AGO2: variants seen among roughly 807,000 people sequenced by gnomAD.
AGO2 encodes argonaute RISC catalytic component 2.
A neutral mutation model predicts 102.3 loss-of-function variants in AGO2; 5 were observed. That is an observed-to-expected ratio of 0.05 (90% confidence interval 0.03 to 0.10). AGO2 has a LOEUF of 0.10. Ranked by LOEUF, AGO2 falls within the 10% of genes least tolerant of loss-of-function variation. The probability of loss-of-function intolerance (pLI) is 1.00; values close to 1 mark genes in which losing one functional copy is unlikely to be tolerated. For synonymous variants in AGO2, 449 were observed against 473.1 expected (o/e 0.95, Z 0.66); for missense variants, 541 against 1,183.7 (o/e 0.46, Z 7.97).
At chr8:140,619,917 T>G (rs1034765255) in intron 1 of AGO2, among the ~76,000 whole-genome samples, 1 of 152,206 alleles carries the variant, frequency 6.6e-6, no homozygotes, top group Admixed American at 6.5e-5. Flanking sequence ...TGTAGATGTG[T>G]GTACACACGC....
chr8:140,570,554 G>A (rs1052487070), intron 3 of AGO2, among the ~76,000 whole-genome samples: 1 of 152,210 alleles, frequency 6.6e-6, no homozygotes, highest in Admixed American at 6.5e-5. Flanking sequence ...TTAAACTCTC[G>A]CTACTCAACA....
chr8:140,633,710 G>A (rs767143721), intron 1 of AGO2, among the ~76,000 whole-genome samples: 1 of 152,184 alleles, frequency 6.6e-6, no homozygotes, highest in Non-Finnish European at 1.5e-5. Context: ...GCTTGAAAGG[G>A]ACTGCCCTGA....
rs1465650671 is a variant in AGO2, at chr8:140,528,874, G to A, written c.*3170C>T. 3.9e-5 allele frequency: 6 copies of A among 152,320 alleles called. No individual in the cohort carries two copies. Among genetic ancestry groups the A allele is most frequent in the African/African-American group, 1.2e-4 (5 of 41,566 alleles). The allele number at this position is 152,320 out of a possible 1,614,324, so 9.4% of individuals were successfully genotyped here. A position where few individuals can be genotyped will look rare whatever the true frequency, so the allele number is the denominator to read the frequency against. ...GGCAGCTTTCCACCGCTCCCCTGGT[G>A]TTCGTTAATTGCGTCGTCATTACAG... On this transcript the variant is annotated 3_prime_UTR_variant, in exon 19 of 19. Coordinates refer to ENST00000220592, the MANE Select transcript of AGO2 (RefSeq NM_012154.5). The surrounding 1 kb of genome is among the most constrained non-coding windows in gnomAD (Gnocchi z 4.5).
At chr8:140,547,278 C>T (rs146514788) in intron 13 of AGO2, among the ~76,000 whole-genome samples, 190 bp downstream of exon 13, 12 of 152,378 alleles carry the variant, frequency 7.9e-5, no homozygotes, top group African/African-American at 1.2e-4. Context: ...CTCCTGCAGA[C>T]GCCCCTGGTC....
intron 1 of AGO2, among the ~76,000 whole-genome samples, chr8:140,630,054 G>A (rs2074323737): frequency 6.6e-6 from 1 of 152,056 alleles, no homozygotes; most frequent in Non-Finnish European, 1.5e-5. Flanking sequence ...TCACAACGGG[G>A]ACACGCGTCA....
At chr8:140,558,633 C>T in intron 6 of AGO2, 61 bp from the exon 7 acceptor site, 1 of 1,536,420 alleles carries the variant, frequency 6.5e-7, no homozygotes, top group Non-Finnish European at 9.0e-7. Context: ...GCAGGCGCCA[C>T]TTGCGAGAAT....
intron 1 of AGO2, among the ~76,000 whole-genome samples, chr8:140,633,372 C>G (rs1394661529): frequency 6.6e-6 from 1 of 152,098 alleles, no homozygotes; most frequent in African/African-American, 2.4e-5. Flanking sequence ...GGGTTCATTC[C>G]CATCCTGCCA....
intron 3 of AGO2, among the ~76,000 whole-genome samples, chr8:140,563,621 C>T (rs1016971895): frequency 6.6e-6 from 1 of 152,194 alleles, no homozygotes; most frequent in Non-Finnish European, 1.5e-5. Flanking sequence ...AGGGCAGAGA[C>T]GGGATCTGGA....
intron 1 of AGO2, among the ~76,000 whole-genome samples, chr8:140,603,549 G>C (rs886103046): frequency 5.9e-5 from 9 of 152,190 alleles, no homozygotes; most frequent in African/African-American, 2.2e-4. Context: ...CCAAAGCCCA[G>C]GCCTTGGCAC....
At chr8:140,626,118 G>T (rs896858004) in intron 1 of AGO2, among the ~76,000 whole-genome samples, 104 of 6,000 alleles carry the variant, frequency 0.017, no homozygotes, top group African/African-American at 0.079. Context: ...TTCATGGCCC[G>T]GGGGGGCACA....
intron 1 of AGO2, chr8:140,592,047 G>C (rs1195391635): frequency 1.3e-5 from 2 of 152,170 alleles, no homozygotes; most frequent in Non-Finnish European, 2.9e-5. Flanking sequence ...TTGAACCCGG[G>C]AGGTGAAGGT....
At chr8:140,629,936 A>G (rs1223389080) in intron 1 of AGO2, among the ~76,000 whole-genome samples, 6 of 148,836 alleles carry the variant, frequency 4.0e-5, no homozygotes, top group African/African-American at 1.5e-4. Flanking sequence ...CGGAGGGGAG[A>G]GGAGAGGAGA....
chr8:140,580,443 C>G (rs1368226200), intron 2 of AGO2, among the ~76,000 whole-genome samples: 1 of 152,230 alleles, frequency 6.6e-6, no homozygotes, highest in African/African-American at 2.4e-5. Context: ...CTCACAGAGG[C>G]TGCAGTGTGG....
intron 1 of AGO2, among the ~76,000 whole-genome samples, chr8:140,595,283 T>A (rs771532893): frequency 3.9e-5 from 6 of 152,132 alleles, no homozygotes; most frequent in Non-Finnish European, 2.9e-5. Flanking sequence ...AGCTTCAGAA[T>A]GGTGTTTGAT....
intron 7 of AGO2, 132 bp downstream of exon 7, chr8:140,558,353 A>AT: frequency 1.1e-6 from 1 of 951,426 alleles, no homozygotes; most frequent in Non-Finnish European, 1.7e-6. Context: ...GTAAGGGACA[A>AT]TTTTGGGATT....
At chr8:140,626,112 T>C (rs1036937575) in intron 1 of AGO2, among the ~76,000 whole-genome samples, 2 of 48,814 alleles carry the variant, frequency 4.1e-5, no homozygotes, top group Admixed American at 2.4e-4. Context: ...GCTGGGTTCA[T>C]GGCCCGGGGG....
At chr8:140,538,164 A>G (rs2072730683) in intron 16 of AGO2, among the ~76,000 whole-genome samples, 1 of 152,092 alleles carries the variant, frequency 6.6e-6, no homozygotes, top group African/African-American at 2.4e-5. Flanking sequence ...CTTTTTCCTC[A>G]CTGTGATGCT....
chr8:140,595,239 C>T (rs1187914026), intron 1 of AGO2, among the ~76,000 whole-genome samples: 1 of 152,112 alleles, frequency 6.6e-6, no homozygotes, highest in African/African-American at 2.4e-5. Context: ...ATTGATCACA[C>T]GGCAAGAGCT....
chr8:140,569,741 G>T (rs1015733620), intron 3 of AGO2, among the ~76,000 whole-genome samples: 3 of 152,192 alleles, frequency 2.0e-5, no homozygotes, highest in African/African-American at 7.2e-5. Flanking sequence ...GAAGGAGTGA[G>T]GCTGGGCGGT....
Sources: gnomAD v4.1 joint callset for allele counts (sites outside exome capture counted in the v4.1 genomes callset) on GRCh38, gnomAD v4.1.1 for gene constraint, Gnocchi (gnomAD v3.1) non-coding constraint, MANE v1.5 for transcripts, NCBI Gene and HGNC (gene_info 2026-07-23, HGNC 2026-07-21) for gene names.